Variants in NCAM2 observed in about 807,000 individuals in gnomAD.
NCAM2 encodes the protein neural cell adhesion molecule 2.
Under a neutral mutation model 98.1 loss-of-function variants are expected in NCAM2, and 30 were observed. The ratio of observed to expected loss-of-function variants is 0.31; its 90% CI spans 0.23 to 0.41. The LOEUF (loss-of-function observed/expected upper bound fraction) is 0.41. Ranked by LOEUF, NCAM2 falls within the 10% of genes least tolerant of loss-of-function variation. NCAM2 has a pLI of 1.00. For missense variants in NCAM2, 867 were observed against 1,005.8 expected, an observed-to-expected ratio of 0.86 and a Z score of 1.87; for synonymous variants, 368 against 342.4, an observed-to-expected ratio of 1.07 and a Z score of -0.83.
At chr21:21,474,857 T>C (rs1195991346) in intron 14 of NCAM2, among the ~76,000 whole-genome samples, 5 of 151,996 alleles carry the variant, frequency 3.3e-5, no homozygotes, top group Admixed American at 3.3e-4. Context: ...GAATATGCTA[T>C]ACATAGCATT....
At chr21:21,121,906 G>A (rs2066683826) in intron 1 of NCAM2, among the ~76,000 whole-genome samples, 1 of 152,232 alleles carries the variant, frequency 6.6e-6, no homozygotes, top group African/African-American at 2.4e-5. Flanking sequence ...TGATGAGACA[G>A]GGTAAAGTGA....
At chr21:21,506,078 A>G (rs553192283) in intron 15 of NCAM2, among the ~76,000 whole-genome samples, 1 of 152,194 alleles carries the variant, frequency 6.6e-6, no homozygotes, top group African/African-American at 2.4e-5. Flanking sequence ...GAATGTGTAT[A>G]ATAAATCAGA....
intron 1 of NCAM2, among the ~76,000 whole-genome samples, chr21:21,120,147 CTT>C (rs2066642127): frequency 6.6e-6 from 1 of 152,176 alleles, no homozygotes; most frequent in Non-Finnish European, 1.5e-5. Context: ...GAATGAAAGA[CTT>C]TGCAAGTTTT....
At chr21:21,064,100 T>G (rs1425340960) in intron 1 of NCAM2, among the ~76,000 whole-genome samples, 1 of 152,120 alleles carries the variant, frequency 6.6e-6, no homozygotes, top group East Asian at 1.9e-4. Flanking sequence ...GGCCCTGAGT[T>G]GTGAGATTTT....
intron 2 of NCAM2, among the ~76,000 whole-genome samples, chr21:21,283,368 T>A (rs2072993633): frequency 6.6e-6 from 1 of 151,906 alleles, no homozygotes; most frequent in South Asian, 2.1e-4. Flanking sequence ...TCTGAAGTAA[T>A]TAGGTGAAAT....
intron 1 of NCAM2, among the ~76,000 whole-genome samples, chr21:21,183,706 T>C (rs2068550090): frequency 6.6e-6 from 1 of 152,170 alleles, no homozygotes; most frequent in African/African-American, 2.4e-5. Context: ...GAAATTCGTA[T>C]GATTATAATG....
In NCAM2 at chr21:21,121,992, A is replaced by G. The variant is rs374935268; in HGVS notation, c.55+123374A>G. Among the ~76,000 whole-genome samples, 25 of 152,352 alleles carry G rather than the reference A, an allele frequency of 1.6e-4. No individual in the cohort carries two copies. The South Asian group carries it at 3.9e-3, about 24-fold the overall frequency. The stretch of plus-strand genomic sequence containing the variant: ...AAGAACAACTGTTAAATGTGACAGT[A>G]TGAGCTTCCGAATGAGCAGTGCATT... On this transcript the variant is annotated intron_variant, in intron 1 of 17. Coordinates refer to ENST00000400546, the MANE Select transcript of NCAM2 (RefSeq NM_004540.5).
At chr21:21,202,846 T>C (rs2069287221) in intron 1 of NCAM2, among the ~76,000 whole-genome samples, 1 of 152,230 alleles carries the variant, frequency 6.6e-6, no homozygotes, top group Non-Finnish European at 1.5e-5. Flanking sequence ...TAAGTGGATA[T>C]TTTCCATTTC....
At chr21:21,466,893 T>A (rs1350870499) in intron 13 of NCAM2, among the ~76,000 whole-genome samples, 168 bp downstream of exon 13, 4 of 152,000 alleles carry the variant, frequency 2.6e-5, no homozygotes. Flanking sequence ...AACATAAAAA[T>A]AACTTTGCTT....
chr21:21,112,567 G>C (rs1027781232), intron 1 of NCAM2, among the ~76,000 whole-genome samples: 2 of 152,078 alleles, frequency 1.3e-5, no homozygotes, highest in African/African-American at 4.8e-5. Flanking sequence ...TCCGTCAAAG[G>C]CTGCAGCCAC....
rs1236914598 is a variant in NCAM2 at position 21,530,277 on chromosome 21, AT to A, written c.2283-4257del. 3.6e-4 allele frequency among the ~76,000 whole-genome samples: 48 copies of A among 133,224 alleles called. 2 individuals carry two copies. Among genetic ancestry groups the A allele is most frequent in the African/African-American group, 8.4e-4 (30 of 35,886 alleles). 87.4% of individuals were successfully genotyped at this position (133,224 alleles called of 152,430 possible). On this transcript the variant is annotated intron_variant, in intron 16 of 17. Transcript: ENST00000400546. ...ATATAATTTAATTTAATTATATATA[AT>A]TTAATTTAATTATATATAATTAAAT...
At chr21:21,285,249 C>A (rs557200739) in intron 3 of NCAM2, among the ~76,000 whole-genome samples, 109 of 151,912 alleles carry the variant, frequency 7.2e-4, no homozygotes, top group Non-Finnish European at 1.4e-3. Flanking sequence ...ATTAGGAATG[C>A]AAGCCCTTAA....
rs565567267 is a variant in NCAM2, at chr21:21,317,317, G to A, written c.620-7066G>A. On this transcript the variant is annotated intron_variant, in intron 5 of 17. Transcript: ENST00000400546. ...AGCACCTAAGTCAAACTCATTATGT[G>A]TTAATGCCTCCTATCATCATAAGTT... 3.9e-5 allele frequency among the ~76,000 whole-genome samples: 6 copies of A among 152,210 alleles called. No homozygotes were observed. In the East Asian group the frequency reaches 1.2e-3, roughly 29 times the overall value.
intron 4 of NCAM2, among the ~76,000 whole-genome samples, chr21:21,286,686 T>C (rs1316107358): frequency 6.6e-6 from 1 of 151,756 alleles, no homozygotes; most frequent in African/African-American, 2.4e-5. Context: ...GTTGAGAAGC[T>C]GTGGCTAAAA....
chr21:21,264,772 ATATATATACATATATATATATTCCAC>A (rs1161913630), intron 1 of NCAM2, among the ~76,000 whole-genome samples: 5 of 124,298 alleles, frequency 4.0e-5, no homozygotes, highest in Admixed American at 1.6e-4. Flanking sequence ...ATATTCCACT[ATATATATACATATATATATATTCCAC>A]TATATATATA....
At chr21:21,107,989 G>A (rs933213451) in intron 1 of NCAM2, among the ~76,000 whole-genome samples, 3 of 151,962 alleles carry the variant, frequency 2.0e-5, no homozygotes, top group African/African-American at 4.8e-5. Flanking sequence ...CTTGGTGTAC[G>A]TTGTAGGGAT....
At chr21:21,317,549 TA>T (rs1269035356) in intron 5 of NCAM2, among the ~76,000 whole-genome samples, 5 of 145,890 alleles carry the variant, frequency 3.4e-5, no homozygotes, top group Admixed American at 6.8e-5. Context: ...ATTAATTAAT[TA>T]TTTTTTTTGA....
intron 1 of NCAM2, among the ~76,000 whole-genome samples, chr21:21,046,856 ACAAGCAC>A (rs2065014769): frequency 1.3e-5 from 2 of 152,246 alleles, no homozygotes; most frequent in Non-Finnish European, 2.9e-5. Context: ...AAAAAAGCAG[ACAAGCAC>A]CAAACCAAAC....
chr21:21,335,676 T>C lies in NCAM2; in HGVS notation c.898+11T>C, dbSNP rs776061706. 7.6e-6 allele frequency: 12 copies of C among 1,587,558 alleles called. No homozygotes were observed. The South Asian group carries it at 1.4e-4, about 18-fold the overall frequency. ...TCCTCCAAGTCTTTGGTAAGTATTA[T>C]AGCATAGTGGCTAAAACTGTTATGT... On this transcript the variant is annotated intron_variant, in intron 7 of 17. Coordinates refer to ENST00000400546, the MANE Select transcript of NCAM2 (RefSeq NM_004540.5).
Sources: allele counts gnomAD v4.1 joint callset (sites outside exome capture counted in the v4.1 genomes callset), GRCh38; gene constraint gnomAD v4.1.1; transcripts MANE v1.5; gene names NCBI Gene and HGNC (gene_info 2026-07-23, HGNC 2026-07-21).